Variants in RARG observed in about 807,000 individuals in gnomAD.
The protein encoded by RARG is RAR-gamma.
A neutral mutation model predicts 43.7 loss-of-function variants in RARG; 17 were observed. That is an observed-to-expected ratio of 0.39 (90% confidence interval 0.27 to 0.58). The LOEUF (loss-of-function observed/expected upper bound fraction) is 0.58. Among genes scored for constraint, RARG ranks in the 20% least tolerant of loss-of-function variants. RARG has a pLI of 0.57. For synonymous variants in RARG, 238 were observed against 236.4 expected, an observed-to-expected ratio of 1.01 and a Z score of -0.06; for missense variants, 346 against 598.7, an observed-to-expected ratio of 0.58 and a Z score of 4.40.
Position 53,215,530 on chromosome 12 carries a change from C to CTA in RARG, c.334-98_334-97dup, listed in dbSNP as rs1325508614. 15 of 1,590,344 alleles carry CTA rather than the reference C, an allele frequency of 9.4e-6. No individual in the cohort carries two copies. The Admixed American group carries it at 2.5e-4, about 27-fold the overall frequency. On this transcript the variant is annotated intron_variant, in intron 4 of 9. Transcript: ENST00000425354. The surrounding 1 kb of genome is among the most constrained non-coding windows in gnomAD (Gnocchi z 6.4). Reference sequence around the variant, plus strand: ...CAGGTTGCCCCAAGCCTGACCTAATCTATTAACCACCTATGTGCAAAGCAG... The same window carrying CTA: ...CAGGTTGCCCCAAGCCTGACCTAATCTATATTAACCACCTATGTGCAAAGCAG...
Position 53,213,948 on chromosome 12 carries a change from C to G in RARG, c.813+111G>C. The stretch of plus-strand genomic sequence containing the variant: ...AGACGAAAAGAGAGCTGAGGAGTCC[C>G]ACATGTGTGGCAGGGGGTGCAGGGT... On this transcript the variant is annotated intron_variant, in intron 7 of 9. Coordinates refer to ENST00000425354, the MANE Select transcript of RARG (RefSeq NM_000966.6). This position sits in a 1 kb window ranked among gnomAD's most constrained non-coding sequence, Gnocchi z 4.7. 1 of 1,310,602 alleles carries G rather than the reference C, an allele frequency of 7.6e-7. No individual in the cohort carries two copies. The highest frequency in any genetic ancestry group is 1.1e-6 in the Non-Finnish European group (1 of 941,946). 81.2% of individuals were successfully genotyped at this position (1,310,602 alleles called of 1,614,324 possible). A position where few individuals can be genotyped will look rare whatever the true frequency, so the allele number is the denominator to read the frequency against.
chr12:53,213,415 GC>G lies in RARG; in HGVS notation c.1018+80del. On this transcript the variant is annotated intron_variant, in intron 8 of 9. Transcript: ENST00000425354. The surrounding 1 kb of genome is among the most constrained non-coding windows in gnomAD (Gnocchi z 4.7). ...CAGAAGAGACCACTGGGTCCTCCAC[GC>G]CCCCTCCCAGACAGATTCCGCATGG... 1 of 1,533,576 alleles carries G rather than the reference GC, an allele frequency of 6.5e-7. No individual in the cohort carries two copies. Among genetic ancestry groups the G allele is most frequent in the Non-Finnish European group, 8.9e-7 (1 of 1,117,952 alleles). The allele number at this position is 1,533,576 out of a possible 1,614,324, so 95.0% of individuals were successfully genotyped here.
intron 3 of RARG, chr12:53,219,947 T>C (rs1367131194): frequency 6.6e-7 from 1 of 1,512,860 alleles, no homozygotes; most frequent in Non-Finnish European, 8.9e-7. Context: ...CTCCGGTACC[T>C]ACATTGCAGG....
intron 3 of RARG, among the ~76,000 whole-genome samples, chr12:53,218,784 C>T (rs562649378): frequency 6.6e-6 from 1 of 152,098 alleles, no homozygotes; most frequent in African/African-American, 2.4e-5. Flanking sequence ...ACTCCCCCAG[C>T]GCCCGCCGCC....
intron 3 of RARG, among the ~76,000 whole-genome samples, chr12:53,226,832 G>C: frequency 6.6e-6 from 1 of 151,918 alleles, no homozygotes; most frequent in South Asian, 2.1e-4. Context: ...GGCTGGTCTC[G>C]AACTCCTGGC....
At chr12:53,214,766 A>AT in intron 5 of RARG, 160 bp from the exon 6 acceptor site, 1 of 823,790 alleles carries the variant, frequency 1.2e-6, no homozygotes, top group Non-Finnish European at 1.8e-6. Flanking sequence ...AATAGCTCCT[A>AT]TTCCCAGGCT....
intron 9 of RARG, among the ~76,000 whole-genome samples, chr12:53,212,503 G>A (rs1760827059): frequency 6.6e-6 from 1 of 152,116 alleles, no homozygotes; most frequent in Non-Finnish European, 1.5e-5. Flanking sequence ...CTATTCACAG[G>A]TACAATCATA....
intron 2 of RARG, among the ~76,000 whole-genome samples, chr12:53,229,008 T>C (rs1411105928): frequency 6.6e-6 from 1 of 151,842 alleles, no homozygotes; most frequent in African/African-American, 2.4e-5. Context: ...GAGAAGGAGG[T>C]AGAGAGAGGA....
intron 3 of RARG, among the ~76,000 whole-genome samples, chr12:53,218,420 T>C (rs997124220): frequency 2.0e-5 from 3 of 152,092 alleles, no homozygotes; most frequent in Admixed American, 1.3e-4. Flanking sequence ...CAGAAGCCCT[T>C]CCTGAAAGAT....
intron 3 of RARG, among the ~76,000 whole-genome samples, chr12:53,221,839 C>T (rs1392430379): frequency 6.6e-6 from 1 of 151,628 alleles, no homozygotes; most frequent in East Asian, 1.9e-4. Context: ...GAGCGGCGCC[C>T]GGCCCGGCCC....
chr12:53,227,511 C>G lies in RARG; in HGVS notation c.35G>C (p.Gly12Ala). The G allele has an allele frequency of 1.9e-6, 3 of 1,601,750 alleles. No homozygotes were observed. The highest frequency in any genetic ancestry group is 2.6e-6 in the Non-Finnish European group (3 of 1,174,662). ...GTAGCCAGATCCAGGCCCCAGGGCA[C>G]CAGCCGCAAAGAGTCGCTCCTTATT... is the stretch of plus-strand genomic sequence containing the variant. ...ATNKERLFAAGALGPGSGYPG... is the reference protein window; with the variant it reads ...ATNKERLFAAAALGPGSGYPG... Residue 12 changes from glycine (G) to alanine (A), a missense_variant, in exon 3 of 10, where the codon GGT becomes GCT. Physicochemically the swap from Gly to Ala is moderately conservative, Grantham distance 60. Coordinates refer to ENST00000425354, the MANE Select transcript of RARG (RefSeq NM_000966.6). The surrounding 1 kb of genome is among the most constrained non-coding windows in gnomAD (Gnocchi z 4.3).
rs1942591612 is a variant in RARG, at chr12:53,211,673, T to C, written c.*3A>G. 1 of 1,484,296 alleles carries C rather than the reference T, an allele frequency of 6.7e-7. No homozygotes were observed. The highest frequency in any genetic ancestry group is 8.9e-7 in the Non-Finnish European group (1 of 1,119,216). The allele number at this position is 1,484,296 out of a possible 1,614,324, so 91.9% of individuals were successfully genotyped here. A position where few individuals can be genotyped will look rare whatever the true frequency, so the allele number is the denominator to read the frequency against. On this transcript the variant is annotated 3_prime_UTR_variant, in exon 10 of 10. Transcript: ENST00000425354. This position sits in a 1 kb window ranked among gnomAD's most constrained non-coding sequence, Gnocchi z 4.6. ...CCCACAGCGGGGAGGTCAGGGGCCC[T>C]GGTCAGGCTGGGGACTTCAGGCCCC...
At chr12:53,229,432 G>A (rs778423671) in intron 2 of RARG, among the ~76,000 whole-genome samples, 1 of 152,092 alleles carries the variant, frequency 6.6e-6, no homozygotes, top group Non-Finnish European at 1.5e-5. Flanking sequence ...CAAGAACCCA[G>A]ACCCCAACGC....
intron 3 of RARG, among the ~76,000 whole-genome samples, chr12:53,219,225 AG>A (rs1353409024): frequency 2.6e-5 from 4 of 152,236 alleles, no homozygotes; most frequent in Non-Finnish European, 5.9e-5. Flanking sequence ...TTGGAGCCAT[AG>A]GAAAAAGTAA....
In RARG at chr12:53,213,074, T is replaced by C; in HGVS notation, c.1177+11A>G. ...GGGAAGACAGAGAGGGGACACCCAC[T>C]CATGACTCACCCTTAGTGCTGATGC... On this transcript the variant is annotated intron_variant, in intron 9 of 9. Transcript: ENST00000425354. This position sits in a 1 kb window ranked among gnomAD's most constrained non-coding sequence, Gnocchi z 4.7. 6.2e-7 allele frequency: 1 copy of C among 1,606,640 alleles called. No individual in the cohort carries two copies.
Position 53,211,550 on chromosome 12 carries a change from A to G in RARG, c.*126T>C. On this transcript the variant is annotated 3_prime_UTR_variant, in exon 10 of 10. Coordinates refer to ENST00000425354, the MANE Select transcript of RARG (RefSeq NM_000966.6). The surrounding 1 kb of genome is among the most constrained non-coding windows in gnomAD (Gnocchi z 4.6). ...ACCCCTAGAAACTTTGGCAAAAACA[A>G]GGAGCTCATTGGAAGGGGTGGGGAG... is the stretch of plus-strand genomic sequence containing the variant. 1 of 932,220 alleles carries G rather than the reference A, an allele frequency of 1.1e-6. No individual in the cohort carries two copies. The highest frequency in any genetic ancestry group is 1.5e-6 in the Non-Finnish European group (1 of 684,224). The allele number at this position is 932,220 out of a possible 1,614,324, so 57.7% of individuals were successfully genotyped here.
chr12:53,223,004 G>T (rs1006616628), intron 3 of RARG, among the ~76,000 whole-genome samples: 2 of 152,020 alleles, frequency 1.3e-5, no homozygotes, highest in African/African-American at 4.8e-5. Context: ...CATAGCCCTA[G>T]AGGCAAAGAG....
rs1023676356 is a variant in RARG at position 53,219,842 on chromosome 12, A to G, written c.185-4048T>C. The G allele has an allele frequency of 1.5e-5, 16 of 1,074,988 alleles. No individual in the cohort carries two copies. In the Admixed American group the frequency reaches 2.9e-4, roughly 19 times the overall value. The allele number at this position is 1,074,988 out of a possible 1,614,324, so 66.6% of individuals were successfully genotyped here. A position where few individuals can be genotyped will look rare whatever the true frequency, so the allele number is the denominator to read the frequency against. ...TAAAGGGCCAGTACCTTACATAGAA[A>G]GGGCCAGAAGCTCCTCCTTGCACCT... On this transcript the variant is annotated intron_variant, in intron 3 of 9. Transcript: ENST00000425354.
rs770896882 is a variant in RARG at position 53,211,766 on chromosome 12, G to A, written c.1275C>T (p.Asp425=). The change falls in exon 10 of 10, where the codon GAC becomes GAT. Residue 425 remains aspartate (D), a synonymous_variant. Transcript: ENST00000425354. This position sits in a 1 kb window ranked among gnomAD's most constrained non-coding sequence, Gnocchi z 4.6. ...MLENPEMFED[D]SSQPGPHPNA... is the part of the protein sequence containing the mutation. The stretch of plus-strand genomic sequence containing the variant: ...TGGGGTGGGGACCAGGCTGCGAGGA[G>A]TCATCCTCAAACATTTCAGGGTTCT... The A allele has an allele frequency of 8.9e-6, 14 of 1,567,484 alleles. 1 individual carries two copies. The South Asian group carries it at 1.5e-4, about 17-fold the overall frequency.
Sources: allele counts gnomAD v4.1 joint callset (sites outside exome capture counted in the v4.1 genomes callset), GRCh38; gene constraint gnomAD v4.1.1; non-coding constraint Gnocchi (gnomAD v3.1); transcripts MANE v1.5; gene names NCBI Gene and HGNC (gene_info 2026-07-23, HGNC 2026-07-21).